Variants in PKP4 observed in about 807,000 individuals in gnomAD.
PKP4 encodes plakophilin 4.
PKP4 carries 90 observed loss-of-function variants against 145.1 expected under a neutral mutation model. That is an observed-to-expected ratio of 0.62 (90% CI 0.52 to 0.74). The LOEUF (loss-of-function observed/expected upper bound fraction) is 0.74, where lower values mean the gene tolerates loss of function less well. Among genes scored for constraint, PKP4 ranks in the 30% least tolerant of loss-of-function variants. The pLI is 0.00. For synonymous variants in PKP4, 563 were observed against 577.2 expected (o/e 0.98, Z 0.35); for missense variants, 1,340 against 1,482.7 (o/e 0.90, Z 1.58).
intron 9 of PKP4, 81 bp from the exon 10 acceptor site, chr2:158,640,546 T>C: frequency 6.8e-7 from 1 of 1,480,868 alleles, no homozygotes; most frequent in Non-Finnish European, 9.2e-7. Context: ...GCTGAGCTTT[T>C]TTTCCTTATA....
rs199995044 is a variant in PKP4 at position 158,625,256 on chromosome 2, C to T, written c.982C>T (p.Pro328Ser). ...LTDAQTRVAS[P>S]SQGQVGSSSP... ...GGATGCACAGACTCGAGTAGCTTCC[C>T]CATCCCAAGGCCAGGTGGGGTCGTC... The change falls in exon 7 of 22, where the codon CCA becomes TCA. Residue 328 changes from proline to serine, a missense_variant. Pro to Ser is a moderately conservative substitution (Grantham distance 74). Transcript: ENST00000389759. The T allele has an allele frequency of 2.3e-5, 37 of 1,614,204 alleles. No individual in the cohort carries two copies. The highest frequency in any genetic ancestry group is 5.1e-6 in the Non-Finnish European group (6 of 1,180,030).
At chr2:158,560,699 A>T (rs1254447994) in intron 2 of PKP4, among the ~76,000 whole-genome samples, 1 of 152,220 alleles carries the variant, frequency 6.6e-6, no homozygotes, top group East Asian at 1.9e-4. Context: ...ATTTTACTTT[A>T]TCATGCCTAA....
chr2:158,486,984 A>G (rs765083526), intron 1 of PKP4, among the ~76,000 whole-genome samples: 4 of 149,720 alleles, frequency 2.7e-5, no homozygotes, highest in East Asian at 1.9e-4. Flanking sequence ...AAAGGAGACT[A>G]TCTTCCATGT....
intron 1 of PKP4, among the ~76,000 whole-genome samples, chr2:158,485,360 A>G (rs59208394): frequency 0.063 from 9,659 of 152,304 alleles, 417 homozygotes; most frequent in South Asian, 0.11. Context: ...TAAGTCATTC[A>G]GAAGTACGTA....
chr2:158,644,606 A>G (rs984921224), intron 11 of PKP4, among the ~76,000 whole-genome samples: 9 of 152,272 alleles, frequency 5.9e-5, no homozygotes, highest in Admixed American at 2.0e-4. Context: ...AGCTTTAGAA[A>G]TACTTGCAGA....
chr2:158,642,739 A>G, intron 11 of PKP4, 40 bp downstream of exon 11: 2 of 1,479,978 alleles, frequency 1.4e-6, no homozygotes, highest in Non-Finnish European at 1.9e-6. Flanking sequence ...GGAAATGTTG[A>G]AAACAGTCTG....
chr2:158,623,063 T>A (rs1483981372), intron 6 of PKP4, among the ~76,000 whole-genome samples: 2 of 152,194 alleles, frequency 1.3e-5, no homozygotes, highest in Admixed American at 6.5e-5. Flanking sequence ...GGCAACACAT[T>A]TTCTAGTTGT....
At chr2:158,479,577 T>G (rs951884500) in intron 1 of PKP4, among the ~76,000 whole-genome samples, 2 of 152,244 alleles carry the variant, frequency 1.3e-5, no homozygotes, top group African/African-American at 4.8e-5. Context: ...ATTTTATTTT[T>G]CCTTAATATA....
At chr2:158,513,792 T>C (rs2041718160) in intron 1 of PKP4, among the ~76,000 whole-genome samples, 1 of 152,192 alleles carries the variant, frequency 6.6e-6, no homozygotes, top group Non-Finnish European at 1.5e-5. Context: ...CACTTACTAT[T>C]GTTCCTTCGT....
intron 2 of PKP4, among the ~76,000 whole-genome samples, chr2:158,541,182 AT>A (rs1298241379): frequency 1.2e-4 from 18 of 152,146 alleles, no homozygotes; most frequent in Non-Finnish European, 2.2e-4. Flanking sequence ...TTCCGTAGCT[AT>A]TGCAAAACAT....
At chr2:158,558,577 G>C (rs754367489) in intron 2 of PKP4, among the ~76,000 whole-genome samples, 1 of 152,114 alleles carries the variant, frequency 6.6e-6, no homozygotes, top group Non-Finnish European at 1.5e-5. Context: ...AGTAACCTTG[G>C]AGAGAACAGT....
At chr2:158,564,664 G>A (rs759325410) in intron 2 of PKP4, among the ~76,000 whole-genome samples, 35 of 152,164 alleles carry the variant, frequency 2.3e-4, no homozygotes, top group Non-Finnish European at 3.7e-4. Context: ...GCTGTTAACC[G>A]CTTTTTTAAA....
chr2:158,502,296 C>T (rs1004266479), intron 1 of PKP4, among the ~76,000 whole-genome samples: 1 of 152,120 alleles, frequency 6.6e-6, no homozygotes, highest in Non-Finnish European at 1.5e-5. Flanking sequence ...GTTCCATTTG[C>T]AGCTTAGGGT....
In PKP4 at chr2:158,676,799, A is replaced by G; in HGVS notation, c.3188A>G (p.Asp1063Gly). ...LGIRDPRSEY[D>G]RTQPPMQYYN... Reference sequence around the variant, plus strand: ...ATCAGAGACCCTCGCTCTGAATACGATAGGACCCAGCCACCTATGCAGTAT... The same window carrying G: ...ATCAGAGACCCTCGCTCTGAATACGGTAGGACCCAGCCACCTATGCAGTAT... Residue 1063 changes from aspartate to glycine, a missense_variant, in exon 20 of 22, where the codon GAT becomes GGT. Physicochemically the swap from Asp to Gly is moderately conservative, Grantham distance 94. Coordinates refer to ENST00000389759, the MANE Select transcript of PKP4 (RefSeq NM_003628.6). The G allele has an allele frequency of 1.2e-6, 2 of 1,614,086 alleles. No individual in the cohort carries two copies. Among genetic ancestry groups the G allele is most frequent in the Non-Finnish European group, 1.7e-6 (2 of 1,180,010 alleles).
chr2:158,545,652 A>T lies in PKP4; in HGVS notation c.132+12336A>T, dbSNP rs78049343. ...CTACTCATTCTTATATCCATATATAACTGCATATTTACCCCCTAGGTTTAT... is the reference window on the plus strand; with the variant it reads ...CTACTCATTCTTATATCCATATATATCTGCATATTTACCCCCTAGGTTTAT... On this transcript the variant is annotated intron_variant, in intron 2 of 21. Transcript: ENST00000389759. 3.0e-3 allele frequency among the ~76,000 whole-genome samples: 452 copies of T among 152,290 alleles called. 4 individuals carry two copies. Among genetic ancestry groups the T allele is most frequent in the African/African-American group, 0.01 (423 of 41,564 alleles).
At chr2:158,643,877 C>T (rs955907267) in intron 11 of PKP4, among the ~76,000 whole-genome samples, 106 of 152,080 alleles carry the variant, frequency 7.0e-4, no homozygotes, top group African/African-American at 2.5e-3. Flanking sequence ...GCGATTCTCT[C>T]GCCTCAGCCT....
At chr2:158,652,189 C>A (rs561578021) in intron 11 of PKP4, among the ~76,000 whole-genome samples, 1 of 152,322 alleles carries the variant, frequency 6.6e-6, no homozygotes, top group East Asian at 1.9e-4. Flanking sequence ...GTGTTCACTT[C>A]TTCGTACCAA....
intron 1 of PKP4, among the ~76,000 whole-genome samples, chr2:158,485,491 G>T (rs534521603): frequency 6.6e-6 from 1 of 152,072 alleles, no homozygotes; most frequent in East Asian, 1.9e-4. Context: ...CATATTTGTC[G>T]AATTATTTGA....
At chr2:158,509,039 T>G (rs2041261708) in intron 1 of PKP4, among the ~76,000 whole-genome samples, 1 of 152,188 alleles carries the variant, frequency 6.6e-6, no homozygotes, top group Admixed American at 6.5e-5. Context: ...TTTCAAATTA[T>G]AGTTTATGGT....
Sources: allele counts gnomAD v4.1 joint callset (sites outside exome capture counted in the v4.1 genomes callset), GRCh38; gene constraint gnomAD v4.1.1; transcripts MANE v1.5; gene names NCBI Gene and HGNC (gene_info 2026-07-23, HGNC 2026-07-21).